Variants in PRKN observed in about 807,000 individuals in gnomAD.
PRKN encodes E3 ubiquitin-protein ligase parkin.
In PRKN, 56 loss-of-function variants were observed where a neutral mutation model predicts 59.5. That is an observed-to-expected ratio of 0.94 (90% CI 0.76 to 1.18). The LOEUF is 1.18. PRKN is among the 50% of genes most tolerant of loss of function. The pLI is 0.00. For missense variants in PRKN, 657 were observed against 596.4 expected, an observed-to-expected ratio of 1.10 and a Z score of -1.06; for synonymous variants, 250 against 222.1, an observed-to-expected ratio of 1.13 and a Z score of -1.12.
At chr6:161,867,055 G>A (rs1395924668) in intron 6 of PRKN, among the ~76,000 whole-genome samples, 1 of 152,168 alleles carries the variant, frequency 6.6e-6, no homozygotes, top group Non-Finnish European at 1.5e-5. Flanking sequence ...TTTGATCCAG[G>A]TCTGAACCAT....
chr6:162,443,982 G>A (rs1724610648), intron 1 of PRKN, among the ~76,000 whole-genome samples: 1 of 152,112 alleles, frequency 6.6e-6, no homozygotes, highest in Non-Finnish European at 1.5e-5. Flanking sequence ...GACTTGGGTG[G>A]TCCTGGCCAA....
At chr6:161,785,739 A>G (rs746874867) in intron 7 of PRKN, 33 bp downstream of exon 7, 4 of 1,608,952 alleles carry the variant, frequency 2.5e-6, no homozygotes, top group Admixed American at 1.7e-5. Flanking sequence ...CTTCATTAGC[A>G]TTAGAGATGG....
intron 1 of PRKN, among the ~76,000 whole-genome samples, chr6:162,630,180 T>C (rs1175858109): frequency 1.3e-5 from 2 of 152,154 alleles, no homozygotes; most frequent in African/African-American, 2.4e-5. Flanking sequence ...ACAGTAATAG[T>C]GTATAAAAGC....
At chr6:162,566,308 T>C (rs2846559) in intron 1 of PRKN, among the ~76,000 whole-genome samples, 39,144 of 141,636 alleles carry the variant, frequency 0.28, 6,159 homozygotes, top group Non-Finnish European at 0.37. Context: ...AATAAATAAA[T>C]TGAAATGAAA....
intron 7 of PRKN, among the ~76,000 whole-genome samples, chr6:161,673,369 G>A (rs926047207): frequency 2.0e-5 from 3 of 152,196 alleles, no homozygotes; most frequent in Non-Finnish European, 4.4e-5. Flanking sequence ...GAAGTCAGGT[G>A]TGAGCCTTCT....
At chr6:161,350,347 C>A in intron 11 of PRKN, 136 bp from the exon 12 acceptor site, 1 of 666,952 alleles carries the variant, frequency 1.5e-6, no homozygotes, top group South Asian at 1.7e-5. Flanking sequence ...CAGAGAGAAA[C>A]TTAACTGAGG....
At chr6:161,655,293 A>G (rs143354496) in intron 7 of PRKN, among the ~76,000 whole-genome samples, 4,860 of 148,206 alleles carry the variant, frequency 0.033, 129 homozygotes, top group Non-Finnish European at 0.046. Context: ...GCCCCTCATC[A>G]CCACCAAGGT....
rs1446090701 is a variant in PRKN, at chr6:161,362,695, T to C, written c.1168-2490A>G. Among the ~76,000 whole-genome samples the C allele has an allele frequency of 6.6e-6, 1 of 152,156 alleles. No homozygotes were observed. The highest frequency in any genetic ancestry group is 1.5e-5 in the Non-Finnish European group (1 of 68,034). On this transcript the variant is annotated intron_variant, in intron 10 of 11. Transcript: ENST00000366898. The surrounding 1 kb of genome is among the most constrained non-coding windows in gnomAD (Gnocchi z 5.2). ...TAAAAAACCTCAAGTCAAAAATTAA[T>C]TTGAAATATTACCAGATTGGCATAT...
At chr6:161,930,898 G>A (rs1424806995) in intron 6 of PRKN, among the ~76,000 whole-genome samples, 2 of 152,266 alleles carry the variant, frequency 1.3e-5, no homozygotes, top group South Asian at 2.1e-4. Flanking sequence ...GCCCAGGAAT[G>A]GCAGCACCTC....
rs184888622 is a variant in PRKN, at chr6:161,353,222, C to G, written c.1286-3011G>C. On this transcript the variant is annotated intron_variant, in intron 11 of 11. Coordinates refer to ENST00000366898, the MANE Select transcript of PRKN (RefSeq NM_004562.3). The surrounding 1 kb of genome is among the most constrained non-coding windows in gnomAD (Gnocchi z 4.8). The stretch of plus-strand genomic sequence containing the variant: ...TCTCCCTCCGACCTTTCCTTGCCCT[C>G]CTTTTACCAGCCCAGGGCAGGACTG... Among the ~76,000 whole-genome samples the G allele has an allele frequency of 6.6e-6, 1 of 152,292 alleles. No homozygotes were observed. Among genetic ancestry groups the G allele is most frequent in the South Asian group, 2.1e-4 (1 of 4,824 alleles).
chr6:162,413,905 G>A (rs923308386), intron 2 of PRKN, among the ~76,000 whole-genome samples: 2 of 152,182 alleles, frequency 1.3e-5, no homozygotes, highest in East Asian at 3.9e-4. Flanking sequence ...ATACAGGCTG[G>A]GCGCGGTGGC....
In PRKN at chr6:161,526,576, A is replaced by T. The variant is rs1393707920; in HGVS notation, c.1083+22278T>A. Among the ~76,000 whole-genome samples, 1 of 149,038 alleles carries T rather than the reference A, an allele frequency of 6.7e-6. No homozygotes were observed. The highest frequency in any genetic ancestry group is 1.5e-5 in the Non-Finnish European group (1 of 67,360). ...ATAGAAATATTAAAATATATATATA[A>T]ATATAAGTAATATAAATAAATATAA... On this transcript the variant is annotated intron_variant, in intron 9 of 11. Transcript: ENST00000366898. The surrounding 1 kb of genome is among the most constrained non-coding windows in gnomAD (Gnocchi z 4.1).
At chr6:162,096,655 C>G (rs1338035502) in intron 4 of PRKN, among the ~76,000 whole-genome samples, 1 of 152,040 alleles carries the variant, frequency 6.6e-6, no homozygotes, top group African/African-American at 2.4e-5. Flanking sequence ...AGGGGTTTCC[C>G]CTTTCGCTTG....
At chr6:162,652,282 TC>T (rs1778473559) in intron 1 of PRKN, among the ~76,000 whole-genome samples, 1 of 152,210 alleles carries the variant, frequency 6.6e-6, no homozygotes, top group Non-Finnish European at 1.5e-5. Context: ...AACCTGCTCT[TC>T]CAGCTGACTG....
intron 1 of PRKN, among the ~76,000 whole-genome samples, chr6:162,662,372 G>T (rs1478301110): frequency 6.6e-6 from 1 of 150,590 alleles, no homozygotes; most frequent in Non-Finnish European, 1.5e-5. Flanking sequence ...TCTGTAAGTT[G>T]TCTGTTTACA....
chr6:161,914,765 T>A (rs1340437744), intron 6 of PRKN, among the ~76,000 whole-genome samples: 2 of 151,684 alleles, frequency 1.3e-5, no homozygotes, highest in East Asian at 3.9e-4. Context: ...GAAAAGCACA[T>A]CCCCTGAACT....
At chr6:161,658,260 T>G (rs1424685423) in intron 7 of PRKN, among the ~76,000 whole-genome samples, 1 of 152,150 alleles carries the variant, frequency 6.6e-6, no homozygotes, top group Non-Finnish European at 1.5e-5. Context: ...AAAAGAATAA[T>G]TGCATTATTC....
intron 1 of PRKN, among the ~76,000 whole-genome samples, chr6:162,692,175 AT>A (rs1259012657): frequency 2.7e-3 from 136 of 50,648 alleles, no homozygotes; most frequent in African/African-American, 0.013. Flanking sequence ...AGATTAGAAA[AT>A]TAAAAAAAAA....
At chr6:162,593,018 C>A (rs1008231929) in intron 1 of PRKN, among the ~76,000 whole-genome samples, 1 of 151,988 alleles carries the variant, frequency 6.6e-6, no homozygotes, top group Non-Finnish European at 1.5e-5. Context: ...AAGGACACTA[C>A]GCGAAATGAT....
Sources: allele counts gnomAD v4.1 joint callset (sites outside exome capture counted in the v4.1 genomes callset), GRCh38; gene constraint gnomAD v4.1.1; non-coding constraint Gnocchi (gnomAD v3.1); transcripts MANE v1.5; gene names NCBI Gene and HGNC (gene_info 2026-07-23, HGNC 2026-07-21).